LONP2: variants seen among roughly 807,000 people sequenced by gnomAD.
LONP2 encodes lon peptidase 2, peroxisomal.
Under a neutral mutation model 85.6 loss-of-function variants are expected in LONP2, and 60 were observed. The ratio of observed to expected loss-of-function variants is 0.70; its 90% CI spans 0.57 to 0.87. The LOEUF (loss-of-function observed/expected upper bound fraction) is 0.87. LONP2 is among the 40% of genes least tolerant of loss of function. The pLI is 0.00. For synonymous variants in LONP2, 395 were observed against 389.7 expected (o/e 1.01, Z -0.16); for missense variants, 860 against 1,063.5 (o/e 0.81, Z 2.66).
chr16:48,284,696 A>C (rs1287034782), intron 8 of LONP2, among the ~76,000 whole-genome samples: 1 of 151,598 alleles, frequency 6.6e-6, no homozygotes, highest in Non-Finnish European at 1.5e-5. Context: ...ACTGGGAAAC[A>C]AAAAAAAACA....
chr16:48,254,433 G>A lies in LONP2; in HGVS notation c.468+2068G>A, dbSNP rs151334093. 5.6e-4 allele frequency among the ~76,000 whole-genome samples: 84 copies of A among 149,414 alleles called. No individual in the cohort carries two copies. The East Asian group carries it at 0.015, about 26-fold the overall frequency. Reference sequence around the variant, plus strand: ...GGCTGGAGTGCAGTGGTGCAATTTCGGCTCACTGCAGCCTCCGCCTCCCGG... The same window carrying A: ...GGCTGGAGTGCAGTGGTGCAATTTCAGCTCACTGCAGCCTCCGCCTCCCGG... On this transcript the variant is annotated intron_variant, in intron 2 of 14. Transcript: ENST00000285737.
chr16:48,312,128 A>C (rs1352054414), intron 11 of LONP2, among the ~76,000 whole-genome samples: 2 of 151,566 alleles, frequency 1.3e-5, no homozygotes, highest in Admixed American at 1.3e-4. Context: ...TTTTTAGTAG[A>C]GATGCGGTTT....
intron 8 of LONP2, among the ~76,000 whole-genome samples, chr16:48,280,364 A>G (rs958275795): frequency 6.6e-6 from 1 of 152,220 alleles, no homozygotes; most frequent in Admixed American, 6.5e-5. Context: ...AGTTCACCAA[A>G]GACAGCTTTA....
chr16:48,268,465 A>G (rs111457857), intron 6 of LONP2, among the ~76,000 whole-genome samples: 5 of 152,292 alleles, frequency 3.3e-5, no homozygotes, highest in African/African-American at 9.6e-5. Context: ...GATGACATTG[A>G]TGACCTAACA....
rs892550372 is a variant in LONP2 at position 48,348,346 on chromosome 16, ATAT to A, written c.2337+61_2337+63del. On this transcript the variant is annotated intron_variant, in intron 14 of 14. Coordinates refer to ENST00000285737, the MANE Select transcript of LONP2 (RefSeq NM_031490.5). ...TTTTTTATTTAATTTTTGAAAATTA[ATAT>A]TATTTTTAAATACGGGTTTGCCTTC... 3.4e-5 allele frequency: 40 copies of A among 1,173,574 alleles called. No homozygotes were observed. The African/African-American group carries it at 4.0e-4, about 12-fold the overall frequency. 72.7% of individuals were successfully genotyped at this position (1,173,574 alleles called of 1,614,324 possible). A position where few individuals can be genotyped will look rare whatever the true frequency, so the allele number is the denominator to read the frequency against.
chr16:48,328,578 T>C (rs1402709253), intron 11 of LONP2, among the ~76,000 whole-genome samples: 1 of 150,826 alleles, frequency 6.6e-6, no homozygotes, highest in Non-Finnish European at 1.5e-5. Flanking sequence ...CTCAGGAGGC[T>C]GAGGCAGGAG....
intron 13 of LONP2, among the ~76,000 whole-genome samples, 154 bp downstream of exon 13, chr16:48,347,868 A>G (rs901047144): frequency 1.3e-5 from 2 of 152,238 alleles, no homozygotes; most frequent in Non-Finnish European, 2.9e-5. Flanking sequence ...TTTCAGGACT[A>G]TTTGACTAGT....
At chr16:48,321,675 G>A (rs1973267966) in intron 11 of LONP2, among the ~76,000 whole-genome samples, 1 of 152,162 alleles carries the variant, frequency 6.6e-6, no homozygotes. Flanking sequence ...TACAGCATGT[G>A]ACTATACTGA....
At chr16:48,259,628 T>C (rs1046133447) in intron 4 of LONP2, among the ~76,000 whole-genome samples, 1 of 152,158 alleles carries the variant, frequency 6.6e-6, no homozygotes, top group African/African-American at 2.4e-5. Context: ...AGAGAATACA[T>C]TGTAGAGAAA....
chr16:48,265,451 C>T (rs1356426850), intron 6 of LONP2, among the ~76,000 whole-genome samples: 1 of 152,122 alleles, frequency 6.6e-6, no homozygotes, highest in Non-Finnish European at 1.5e-5. Context: ...CTGGTTTTCC[C>T]ACAACATTTT....
chr16:48,327,342 T>C (rs1959269221), intron 11 of LONP2, among the ~76,000 whole-genome samples: 1 of 152,222 alleles, frequency 6.6e-6, no homozygotes, highest in African/African-American at 2.4e-5. Flanking sequence ...TTTTATTTCT[T>C]TTAAGTGGGA....
chr16:48,277,209 T>C (rs755855129), intron 7 of LONP2, 129 bp from the exon 8 acceptor site: 3 of 759,920 alleles, frequency 3.9e-6, no homozygotes, highest in Non-Finnish European at 6.2e-6. Context: ...TTTAAATACA[T>C]AGTACCTCTT....
intron 6 of LONP2, among the ~76,000 whole-genome samples, chr16:48,267,877 A>G (rs1596925561): frequency 6.6e-6 from 1 of 152,154 alleles, no homozygotes; most frequent in East Asian, 1.9e-4. Context: ...CGGCCTCCCA[A>G]AGTGTTGGGA....
chr16:48,361,281 T>C, downstream of LONP2: 1 of 315,694 alleles, frequency 3.2e-6, no homozygotes, highest in Non-Finnish European at 6.1e-6. Context: ...ATACAATCAA[T>C]CTACAACAAA....
intron 8 of LONP2, among the ~76,000 whole-genome samples, chr16:48,279,010 A>G (rs1363784867): frequency 2.6e-5 from 4 of 152,010 alleles, no homozygotes; most frequent in Non-Finnish European, 5.9e-5. Context: ...CTTTCTCTGC[A>G]TGTTCTTTTA....
rs1021750852 is a variant in LONP2, at chr16:48,336,536, T to C, written c.1938+2178T>C. On this transcript the variant is annotated intron_variant, in intron 12 of 14. Transcript: ENST00000285737. The stretch of plus-strand genomic sequence containing the variant: ...CGAAAAGAGAGTCAGCAAAGGGAGA[T>C]AGGGGTGGGGCCGTTTCATAGGATT... The C allele has an allele frequency of 8.0e-5, 35 of 438,898 alleles. 2 individuals carry two copies. The highest frequency in any genetic ancestry group is 7.2e-4 in the East Asian group (10 of 13,928). 27.2% of individuals were successfully genotyped at this position (438,898 alleles called of 1,614,324 possible). A position where few individuals can be genotyped will look rare whatever the true frequency, so the allele number is the denominator to read the frequency against.
At chr16:48,274,737 T>TAAA (rs1162042343) in intron 7 of LONP2, among the ~76,000 whole-genome samples, 2 of 151,978 alleles carry the variant, frequency 1.3e-5, no homozygotes, top group Non-Finnish European at 2.9e-5. Context: ...AATCCTCATG[T>TAAA]TTTTCTACCG....
chr16:48,356,596 T>G lies in LONP2; in HGVS notation c.*4794T>G, dbSNP rs987653004. ...GTCCAACACTAATGCTCATTTTTTT[T>G]GTTTGTTTTACAAACATTTGGTGGA... On this transcript the variant is annotated 3_prime_UTR_variant, in exon 15 of 15. Coordinates refer to ENST00000285737, the MANE Select transcript of LONP2 (RefSeq NM_031490.5). The G allele has an allele frequency of 3.8e-6, 1 of 262,982 alleles. No individual in the cohort carries two copies. The highest frequency in any genetic ancestry group is 7.8e-6 in the Non-Finnish European group (1 of 127,498). The allele number at this position is 262,982 out of a possible 1,614,324, so 16.3% of individuals were successfully genotyped here. A position where few individuals can be genotyped will look rare whatever the true frequency, so the allele number is the denominator to read the frequency against.
chr16:48,281,916 A>G (rs1036717423), intron 8 of LONP2, among the ~76,000 whole-genome samples: 3 of 152,236 alleles, frequency 2.0e-5, no homozygotes, highest in Non-Finnish European at 2.9e-5. Context: ...GACATCATCT[A>G]ATCCAGCTTC....
Sources: allele counts gnomAD v4.1 joint callset (sites outside exome capture counted in the v4.1 genomes callset), GRCh38; gene constraint gnomAD v4.1.1; transcripts MANE v1.5; gene names NCBI Gene and HGNC (gene_info 2026-07-23, HGNC 2026-07-21).